Variants in GULP1 observed in about 807,000 individuals in gnomAD.
The protein encoded by GULP1 is PTB domain-containing engulfment adapter protein 1.
GULP1 carries 19 observed loss-of-function variants against 40.9 expected under a neutral mutation model. The observed-to-expected ratio is 0.46, with a 90% CI of 0.32 to 0.68. The LOEUF is 0.68. GULP1 is among the 30% of genes least tolerant of loss of function. The pLI, the probability that GULP1 is intolerant of heterozygous loss-of-function variation, is 0.03. For missense variants in GULP1, 312 were observed against 362.2 expected (o/e 0.86, Z 1.12); for synonymous variants, 119 against 117.6 (o/e 1.01, Z -0.08).
chr2:188,397,148 T>G (rs1254014796), intron 2 of GULP1, among the ~76,000 whole-genome samples: 1 of 152,238 alleles, frequency 6.6e-6, no homozygotes, highest in East Asian at 1.9e-4. Flanking sequence ...TTGCTTCTTG[T>G]AAGAAAATTC....
chr2:188,439,660 A>G (rs992646296), intron 2 of GULP1, among the ~76,000 whole-genome samples: 3 of 152,130 alleles, frequency 2.0e-5, no homozygotes, highest in Non-Finnish European at 2.9e-5. Context: ...TGGTAAGGAC[A>G]TGACTCTGGT....
At chr2:188,481,440 TAAAC>T (rs1192928310) in intron 3 of GULP1, among the ~76,000 whole-genome samples, 17 of 152,126 alleles carry the variant, frequency 1.1e-4, no homozygotes, top group African/African-American at 3.8e-4. Flanking sequence ...GGATATGTAA[TAAAC>T]AAACACTAAA....
chr2:188,545,416 T>C (rs545023130), intron 7 of GULP1, among the ~76,000 whole-genome samples: 1 of 151,948 alleles, frequency 6.6e-6, no homozygotes, highest in East Asian at 1.9e-4. Flanking sequence ...TATATGGACA[T>C]GAAATATGTA....
chr2:188,337,147 T>A lies in GULP1; in HGVS notation c.-172+44981T>A, dbSNP rs1327116641. Among the ~76,000 whole-genome samples, 13 of 151,994 alleles carry A rather than the reference T, an allele frequency of 8.6e-5. No homozygotes were observed. In the South Asian group the frequency reaches 2.1e-3, roughly 24 times the overall value. ...ATATCTATATCTATATCTATCTATA[T>A]ATTTTTTTCTTTCCAAAGTCTTGTT... is the stretch of plus-strand genomic sequence containing the variant. On this transcript the variant is annotated intron_variant, in intron 1 of 11. Transcript: ENST00000409830.
chr2:188,548,634 A>T (rs746670975), intron 7 of GULP1, among the ~76,000 whole-genome samples: 1 of 152,050 alleles, frequency 6.6e-6, no homozygotes, highest in Non-Finnish European at 1.5e-5. Context: ...ATTTCAAAAA[A>T]AGAGCAGTGA....
At chr2:188,562,266 G>A (rs1696501384) in intron 7 of GULP1, among the ~76,000 whole-genome samples, 1 of 152,190 alleles carries the variant, frequency 6.6e-6, no homozygotes, top group Non-Finnish European at 1.5e-5. Context: ...GGAGCATTGA[G>A]GGGCTGTCCC....
rs1553593749 is a variant in GULP1, at chr2:188,540,436, A to ATG, written c.262-728_262-727dup. On this transcript the variant is annotated intron_variant, in intron 6 of 11. Transcript: ENST00000409830. ...TATTTTATAAGTTTTATAATTTAAT[A>ATG]TGTGTGTGTGTGTGTGTGCGTGTGT... Among the ~76,000 whole-genome samples the ATG allele has an allele frequency of 1.6e-4, 24 of 149,724 alleles. 1 individual carries two copies. The highest frequency in any genetic ancestry group is 3.9e-4 in the African/African-American group (16 of 40,906).
At chr2:188,371,588 T>A (rs1574812842) in intron 1 of GULP1, among the ~76,000 whole-genome samples, 1 of 152,214 alleles carries the variant, frequency 6.6e-6, no homozygotes, top group East Asian at 1.9e-4. Context: ...GAAAATAAAA[T>A]GTCATTATAT....
chr2:188,439,804 A>T (rs1462674538), intron 2 of GULP1, among the ~76,000 whole-genome samples: 12 of 152,138 alleles, frequency 7.9e-5, no homozygotes, highest in Non-Finnish European at 1.5e-5. Flanking sequence ...AAAAATCAAA[A>T]TGGGAAGTAA....
intron 2 of GULP1, among the ~76,000 whole-genome samples, chr2:188,401,997 C>T (rs538369084): frequency 2.6e-5 from 4 of 152,218 alleles, no homozygotes; most frequent in South Asian, 2.1e-4. Context: ...TACATATCCA[C>T]GGGTTGTGCC....
intron 2 of GULP1, among the ~76,000 whole-genome samples, chr2:188,476,234 T>C (rs1486182222): frequency 6.6e-6 from 1 of 152,142 alleles, no homozygotes; most frequent in Non-Finnish European, 1.5e-5. Flanking sequence ...GAATAAAGAA[T>C]GTGATAAAAT....
chr2:188,366,205 G>T (rs1388586771), intron 1 of GULP1, among the ~76,000 whole-genome samples: 1 of 152,136 alleles, frequency 6.6e-6, no homozygotes, highest in Admixed American at 6.5e-5. Context: ...GAAATTTTAT[G>T]CTGAATAGTG....
intron 2 of GULP1, among the ~76,000 whole-genome samples, chr2:188,411,816 C>A (rs1046065025): frequency 6.6e-6 from 1 of 152,184 alleles, no homozygotes; most frequent in Non-Finnish European, 1.5e-5. Flanking sequence ...GTGCACTGCT[C>A]GAAATTCTGC....
At chr2:188,533,640 T>G (rs1233244302) in intron 6 of GULP1, among the ~76,000 whole-genome samples, 1 of 151,944 alleles carries the variant, frequency 6.6e-6, no homozygotes, top group African/African-American at 2.4e-5. Flanking sequence ...GGGACCTAAT[T>G]AAATTAAAGA....
chr2:188,385,046 C>T (rs1286893707), intron 2 of GULP1, among the ~76,000 whole-genome samples: 5 of 152,022 alleles, frequency 3.3e-5, no homozygotes, highest in Non-Finnish European at 1.5e-5. Flanking sequence ...GGATGGTGGC[C>T]CTCTTCTCAC....
rs551715561 is a variant in GULP1 at position 188,502,779 on chromosome 2, CA to C, written c.90+19292del. On this transcript the variant is annotated intron_variant, in intron 4 of 11. Coordinates refer to ENST00000409830, the MANE Select transcript of GULP1 (RefSeq NM_016315.4). ...TCTTAGTCAGTTAGTGCTGCTATAACAAAAACCTGAGATTGGGTAAGTTATA... is the reference window on the plus strand; with the variant it reads ...TCTTAGTCAGTTAGTGCTGCTATAACAAAACCTGAGATTGGGTAAGTTATA... 2.8e-4 allele frequency among the ~76,000 whole-genome samples: 42 copies of C among 152,016 alleles called. No individual in the cohort carries two copies. In the South Asian group the frequency reaches 8.7e-3, roughly 31 times the overall value.
In GULP1 at chr2:188,490,419, A is replaced by T. The variant is rs1287796003; in HGVS notation, c.90+6927A>T. 5.3e-5 allele frequency among the ~76,000 whole-genome samples: 8 copies of T among 152,222 alleles called. No homozygotes were observed. In the East Asian group the frequency reaches 1.6e-3, roughly 30 times the overall value. ...ATGTATATGTGTCTGCCACTTGTAT[A>T]TGTTGTATGTGAAATTGCTTCATCT... is the stretch of plus-strand genomic sequence containing the variant. On this transcript the variant is annotated intron_variant, in intron 4 of 11. Transcript: ENST00000409830.
intron 1 of GULP1, among the ~76,000 whole-genome samples, chr2:188,319,699 G>T (rs1198828986): frequency 6.6e-6 from 1 of 152,066 alleles, no homozygotes. Context: ...TTTGCCTACA[G>T]TCCTTGTATA....
chr2:188,326,349 A>T (rs1285457840), intron 1 of GULP1, among the ~76,000 whole-genome samples: 1 of 152,160 alleles, frequency 6.6e-6, no homozygotes, highest in African/African-American at 2.4e-5. Flanking sequence ...TTATTAGCAA[A>T]ATCCTGCAAA....
Sources: gnomAD v4.1 joint callset for allele counts (sites outside exome capture counted in the v4.1 genomes callset) on GRCh38, gnomAD v4.1.1 for gene constraint, MANE v1.5 for transcripts, NCBI Gene and HGNC (gene_info 2026-07-23, HGNC 2026-07-21) for gene names.